The following KRTAP29-1 variants were observed in gnomAD, a reference collection of about 807,000 sequenced individuals.
KRTAP29-1 encodes the protein keratin-associated protein 29-1.
For missense variants in KRTAP29-1, 419 were observed against 412.1 expected (o/e 1.02, Z -0.14); for synonymous variants, 142 against 153.6 (o/e 0.92, Z 0.56).
At position 41,302,068 on chromosome 17, in the gene KRTAP29-1, G is replaced by T. The variant is rs551480187; in HGVS notation, c.784C>A (p.Gln262Lys). The T allele has an allele frequency of 6.4e-7, 1 of 1,550,646 alleles. No homozygotes were observed. Among genetic ancestry groups the T allele is most frequent in the South Asian group, 1.2e-5 (1 of 84,064 alleles). The change falls in exon 1 of 1, where the codon CAG (glutamine) becomes AAG (lysine). Residue 262 changes from glutamine (Q) to lysine (K), a missense_variant. Gln to Lys is a moderately conservative substitution (Grantham distance 53, BLOSUM62 1). Transcript: ENST00000391353. ...QLVPSTCFIY[Q>K]PVANCQAPCS... ...GGGGCCTGGCAGTTAGCCACTGGCT[G>T]GTAGATGAAGCATGTGGAAGGAACC... is the stretch of plus-strand genomic sequence containing the variant.
Position 41,302,305 on chromosome 17 carries a change from G to A in KRTAP29-1, c.547C>T (p.Pro183Ser). ...CATGAACTTCCTTGGCACCAAGTTG[G>A]TTGGCATGGACTAGCTGTACAGATG... is the stretch of plus-strand genomic sequence containing the variant. ...PTICTASPCQ[P>S]TWCQGSSCQP... Residue 183 changes from proline to serine, a missense_variant, in exon 1 of 1, where the codon CCA becomes TCA. Transcript: ENST00000391353. The A allele has an allele frequency of 3.9e-6, 6 of 1,550,540 alleles. No individual in the cohort carries two copies. The highest frequency in any genetic ancestry group is 5.2e-6 in the Non-Finnish European group (6 of 1,146,974).
Position 41,302,052 on chromosome 17 carries a change from C to T in KRTAP29-1, c.800G>A (p.Cys267Tyr). 1 of 1,550,536 alleles carries T rather than the reference C, an allele frequency of 6.4e-7. No homozygotes were observed. Among genetic ancestry groups the T allele is most frequent in the Non-Finnish European group, 8.7e-7 (1 of 1,146,990 alleles). ...TCFIYQPVAN[C>Y]QAPCSTKNCC... The stretch of plus-strand genomic sequence containing the variant: ...GTTCTTTGTGGAACAAGGGGCCTGG[C>T]AGTTAGCCACTGGCTGGTAGATGAA... Residue 267 changes from cysteine (C) to tyrosine (Y), a missense_variant, in exon 1 of 1, where the codon TGC becomes TAC. By Grantham distance (194) the Cys-to-Tyr change is radical. Coordinates refer to ENST00000391353, the MANE Select transcript of KRTAP29-1 (RefSeq NM_001257309.1).
chr17:41,302,655 G>A lies in KRTAP29-1; in HGVS notation c.197C>T (p.Ser66Leu), dbSNP rs867980478. The change falls in exon 1 of 1, where the codon TCG becomes TTG. Residue 66 changes from serine (S) to leucine (L), a missense_variant. By Grantham distance (145) the Ser-to-Leu change is moderately radical. Coordinates refer to ENST00000391353, the MANE Select transcript of KRTAP29-1 (RefSeq NM_001257309.1). ...IGAPSGCDPA[S>L]CQPTRLPATS... ...TGCTGGAAGGCGGGTAGGTTGACACGAAGCAGGATCACAGCCACTTGGGGC... is the reference window on the plus strand; with the variant it reads ...TGCTGGAAGGCGGGTAGGTTGACACAAAGCAGGATCACAGCCACTTGGGGC... 9.0e-6 allele frequency: 14 copies of A among 1,550,638 alleles called. No individual in the cohort carries two copies. The highest frequency in any genetic ancestry group is 2.4e-5 in the East Asian group (1 of 40,920).
At position 41,302,770 on chromosome 17, in the gene KRTAP29-1, A is replaced by G. The variant is rs569068474; in HGVS notation, c.82T>C (p.Phe28Leu). Residue 28 changes from phenylalanine to leucine, a missense_variant, in exon 1 of 1, where the codon TTT (phenylalanine) becomes CTT (leucine). By Grantham distance (22) the Phe-to-Leu change is conservative. Coordinates refer to ENST00000391353, the MANE Select transcript of KRTAP29-1 (RefSeq NM_001257309.1). ...TITTYPVKGG[F>L]RHALCLPSSC... Reference sequence around the variant, plus strand: ...CTAGGCAAACAGAGAGCATGTCGAAATCCACCTTTAACTGGGTATGTGGTG... The same window carrying G: ...CTAGGCAAACAGAGAGCATGTCGAAGTCCACCTTTAACTGGGTATGTGGTG... 1.7e-4 allele frequency: 258 copies of G among 1,550,772 alleles called. 3 individuals are homozygous for G. The South Asian group carries it at 2.5e-3, about 15-fold the overall frequency.
chr17:41,301,887 C>T lies in KRTAP29-1; in HGVS notation c.965G>A (p.Cys322Tyr). Residue 322 changes from cysteine to tyrosine, a missense_variant, in exon 1 of 1, where the codon TGC becomes TAC. Coordinates refer to ENST00000391353, the MANE Select transcript of KRTAP29-1 (RefSeq NM_001257309.1). ...LGTSPSSGSN[C>Y]LPTSCQPSCE... Reference sequence around the variant, plus strand: ...GCTGGGTTGGCATGAAGTCGGCAAGCAATTGGAGCCACTACTGGGTGATGT... The same window carrying T: ...GCTGGGTTGGCATGAAGTCGGCAAGTAATTGGAGCCACTACTGGGTGATGT... The T allele has an allele frequency of 6.4e-7, 1 of 1,550,514 alleles. No homozygotes were observed. The highest frequency in any genetic ancestry group is 8.7e-7 in the Non-Finnish European group (1 of 1,146,990).
At position 41,302,683 on chromosome 17, in the gene KRTAP29-1, C is replaced by G. The variant is rs1289918566; in HGVS notation, c.169G>C (p.Gly57Arg). The change falls in exon 1 of 1, where the codon GGT becomes CGT. Residue 57 changes from glycine to arginine, a missense_variant. Physicochemically the swap from Gly to Arg is moderately radical, Grantham distance 125. Transcript: ENST00000391353. ...TCQESCQPSIGAPSGCDPASC... is the reference protein window; with the variant it reads ...TCQESCQPSIRAPSGCDPASC... ...GCAGGATCACAGCCACTTGGGGCAC[C>G]AATGGATGGCTGACAGCTTTCTTGG... is the stretch of plus-strand genomic sequence containing the variant. 2 of 1,550,510 alleles carry G rather than the reference C, an allele frequency of 1.3e-6. No individual in the cohort carries two copies. Among genetic ancestry groups the G allele is most frequent in the Non-Finnish European group, 1.7e-6 (2 of 1,147,010 alleles).
Position 41,302,291 on chromosome 17 carries a change from T to G in KRTAP29-1, c.561A>C (p.Gln187His). 2 of 1,550,576 alleles carry G rather than the reference T, an allele frequency of 1.3e-6. No homozygotes were observed. The highest frequency in any genetic ancestry group is 1.7e-6 in the Non-Finnish European group (2 of 1,146,982). ...TASPCQPTWCQGSSCQPVSGE... is the reference protein window; with the variant it reads ...TASPCQPTWCHGSSCQPVSGE... ...CACTGACGGGTTGACATGAACTTCC[T>G]TGGCACCAAGTTGGTTGGCATGGAC... The change falls in exon 1 of 1, where the codon CAA becomes CAC. Residue 187 changes from glutamine (Q) to histidine (H), a missense_variant. Coordinates refer to ENST00000391353, the MANE Select transcript of KRTAP29-1 (RefSeq NM_001257309.1).
rs1192924538 is a variant in KRTAP29-1, at chr17:41,302,719, G to T, written c.133C>A (p.Leu45Met). ...PSSCHSRMWQLVTCQESCQPS... is the reference protein window; with the variant it reads ...PSSCHSRMWQMVTCQESCQPS... ...TGACAGCTTTCTTGGCATGTGACCA[G>T]TTGCCACATTCTGCTGTGGCAGGAA... Residue 45 changes from leucine (L) to methionine (M), a missense_variant, in exon 1 of 1, where the codon CTG becomes ATG. Coordinates refer to ENST00000391353, the MANE Select transcript of KRTAP29-1 (RefSeq NM_001257309.1). 4 of 1,550,590 alleles carry T rather than the reference G, an allele frequency of 2.6e-6. No homozygotes were observed. The highest frequency in any genetic ancestry group is 3.5e-6 in the Non-Finnish European group (4 of 1,147,030).
Position 41,302,752 on chromosome 17 carries a change from A to G in KRTAP29-1, c.100T>C (p.Leu34=). The G allele has an allele frequency of 6.4e-7, 1 of 1,550,702 alleles. No homozygotes were observed. Among genetic ancestry groups the G allele is most frequent in the Non-Finnish European group, 8.7e-7 (1 of 1,147,026 alleles). ...ATTCTGCTGTGGCAGGAACTAGGCA[A>G]ACAGAGAGCATGTCGAAATCCACCT... ...VKGGFRHALC[L]PSSCHSRMWQ... is the part of the protein sequence containing the mutation. Residue 34 remains leucine, a synonymous_variant, in exon 1 of 1, where the codon TTG becomes CTG. Transcript: ENST00000391353.
At position 41,302,827 on chromosome 17, in the gene KRTAP29-1, T is replaced by C. The variant is rs557856070; in HGVS notation, c.25A>G (p.Asn9Asp). 1.0e-4 allele frequency: 158 copies of C among 1,549,092 alleles called. No individual in the cohort carries two copies. The highest frequency in any genetic ancestry group is 1.3e-4 in the Non-Finnish European group (145 of 1,145,774). ...GGCACAGCTGGAATGGCTGTGGTGT[T>C]TCCAGGACAACAGCCGTCTGCCATG... is the stretch of plus-strand genomic sequence containing the variant. MADGCCPG[N>D]TTAIPAVPTI... is the part of the protein sequence containing the mutation. The change falls in exon 1 of 1, where the codon AAC becomes GAC. Residue 9 changes from asparagine to aspartate, a missense_variant. Asn to Asp is a conservative substitution (Grantham distance 23, BLOSUM62 1). Coordinates refer to ENST00000391353, the MANE Select transcript of KRTAP29-1 (RefSeq NM_001257309.1).
chr17:41,301,846 A>AGAAGCTGGACTC lies in KRTAP29-1; in HGVS notation c.994_1005dup (p.Glu332_Phe335dup). The AGAAGCTGGACTC allele has an allele frequency of 6.4e-7, 1 of 1,550,502 alleles. No homozygotes were observed. The highest frequency in any genetic ancestry group is 8.7e-7 in the Non-Finnish European group (1 of 1,146,888). On this transcript the variant is annotated inframe_insertion, in exon 1 of 1. Coordinates refer to ENST00000391353, the MANE Select transcript of KRTAP29-1 (RefSeq NM_001257309.1). ...CTCCATTAACAAAGTGTTGCCTTGC[A>AGAAGCTGGACTC]GAAGCTGGACTCACAGCTGGGTTGG...
In KRTAP29-1 at chr17:41,302,599, T is replaced by C; in HGVS notation, c.253A>G (p.Met85Val). 1.9e-6 allele frequency: 3 copies of C among 1,550,556 alleles called. No homozygotes were observed. Among genetic ancestry groups the C allele is most frequent in the Admixed American group, 2.0e-5 (1 of 50,994 alleles). Residue 85 changes from methionine (M) to valine (V), a missense_variant, in exon 1 of 1, where the codon ATG becomes GTG. Physicochemically the swap from Met to Val is conservative, Grantham distance 21. Coordinates refer to ENST00000391353, the MANE Select transcript of KRTAP29-1 (RefSeq NM_001257309.1). Reference protein sequence around the residue: ...TSCVGFVCQPMCSHAACYQSG... With the variant: ...TSCVGFVCQPVCSHAACYQSG... ...TGATAGCAGGCTGCGTGGGAGCACA[T>C]AGGTTGGCAAACAAAACCCACACAA... is the stretch of plus-strand genomic sequence containing the variant.
At position 41,302,628 on chromosome 17, in the gene KRTAP29-1, G is replaced by A. The variant is rs372411577; in HGVS notation, c.224C>T (p.Thr75Met). 38 of 1,550,492 alleles carry A rather than the reference G, an allele frequency of 2.5e-5. No homozygotes were observed. The highest frequency in any genetic ancestry group is 2.8e-5 in the Non-Finnish European group (32 of 1,147,008). The change falls in exon 1 of 1, where the codon ACG (threonine) becomes ATG (methionine). Residue 75 changes from threonine (T) to methionine (M), a missense_variant. Coordinates refer to ENST00000391353, the MANE Select transcript of KRTAP29-1 (RefSeq NM_001257309.1). ...ASCQPTRLPA[T>M]SCVGFVCQPM... ...TTGGCAAACAAAACCCACACAAGACGTTGCTGGAAGGCGGGTAGGTTGACA... is the reference window on the plus strand; with the variant it reads ...TTGGCAAACAAAACCCACACAAGACATTGCTGGAAGGCGGGTAGGTTGACA...
rs539562194 is a variant in KRTAP29-1 at position 41,302,272 on chromosome 17, C to A, written c.580G>T (p.Val194Phe). Residue 194 changes from valine to phenylalanine, a missense_variant, in exon 1 of 1, where the codon GTC becomes TTC. Coordinates refer to ENST00000391353, the MANE Select transcript of KRTAP29-1 (RefSeq NM_001257309.1). ...TTACAGGGCTGGCCTTCACCACTGACGGGTTGACATGAACTTCCTTGGCAC... is the reference window on the plus strand; with the variant it reads ...TTACAGGGCTGGCCTTCACCACTGAAGGGTTGACATGAACTTCCTTGGCAC... ...TWCQGSSCQP[V>F]SGEGQPCKST... 4 of 1,550,370 alleles carry A rather than the reference C, an allele frequency of 2.6e-6. No homozygotes were observed. The highest frequency in any genetic ancestry group is 2.4e-5 in the East Asian group (1 of 40,912).
chr17:41,302,013 G>A lies in KRTAP29-1; in HGVS notation c.839C>T (p.Ala280Val), dbSNP rs911490503. ...GCCAGAAATCACAGTGTCACAAGAA[G>A]CTGGTTTGCAACAGTTCTTTGTGGA... ...PCSTKNCCKP[A>V]SCDTVISGQP... Residue 280 changes from alanine (A) to valine (V), a missense_variant, in exon 1 of 1, where the codon GCT (alanine) becomes GTT (valine). Transcript: ENST00000391353. 4 of 1,550,496 alleles carry A rather than the reference G, an allele frequency of 2.6e-6. No homozygotes were observed. The African/African-American group carries it at 4.1e-5, about 16-fold the overall frequency.
rs768082420 is a variant in KRTAP29-1 at position 41,301,833 on chromosome 17, A to T, written c.1019T>A (p.Leu340His). The T allele has an allele frequency of 3.1e-5, 48 of 1,549,976 alleles. No homozygotes were observed. Among genetic ancestry groups the T allele is most frequent in the Non-Finnish European group, 3.2e-5 (37 of 1,146,536 alleles). ...SCESSFCKAT[L>H]C is the part of the protein sequence containing the mutation. ...GGTGTGAAGAGGGCTCCATTAACAA[A>T]GTGTTGCCTTGCAGAAGCTGGACTC... The change falls in exon 1 of 1, where the codon CTT becomes CAT. Residue 340 changes from leucine (L) to histidine (H), a missense_variant. Transcript: ENST00000391353.
In KRTAP29-1 at chr17:41,302,710, A is replaced by C; in HGVS notation, c.142T>G (p.Cys48Gly). 6.4e-7 allele frequency: 1 copy of C among 1,550,692 alleles called. No individual in the cohort carries two copies. Among genetic ancestry groups the C allele is most frequent in the Non-Finnish European group, 8.7e-7 (1 of 1,147,016 alleles). ...ATGGATGGCTGACAGCTTTCTTGGC[A>C]TGTGACCAGTTGCCACATTCTGCTG... ...CHSRMWQLVT[C>G]QESCQPSIGA... The change falls in exon 1 of 1, where the codon TGC becomes GGC. Residue 48 changes from cysteine (C) to glycine (G), a missense_variant. Physicochemically the swap from Cys to Gly is radical, Grantham distance 159. Transcript: ENST00000391353.
Position 41,302,360 on chromosome 17 carries a change from G to A in KRTAP29-1, c.492C>T (p.Thr164=). 1 of 1,550,498 alleles carries A rather than the reference G, an allele frequency of 6.4e-7. No homozygotes were observed. The highest frequency in any genetic ancestry group is 8.7e-7 in the Non-Finnish European group (1 of 1,146,976). The change falls in exon 1 of 1, where the codon ACC becomes ACT. Residue 164 remains threonine, a synonymous_variant. Coordinates refer to ENST00000391353, the MANE Select transcript of KRTAP29-1 (RefSeq NM_001257309.1). The part of the protein sequence containing the change: ...GSCQPSCSEV[T]SCPETSCLPT... ...GTAGGCAAGAAGTTTCCGGACAGGA[G>A]GTCACTTCAGAGCAGGATGGCTGGC... is the stretch of plus-strand genomic sequence containing the variant.
chr17:41,302,509 A>T lies in KRTAP29-1; in HGVS notation c.343T>A (p.Cys115Ser), dbSNP rs2016846459. 1 of 1,550,410 alleles carries T rather than the reference A, an allele frequency of 6.4e-7. No homozygotes were observed. Among genetic ancestry groups the T allele is most frequent in the African/African-American group, 1.4e-5 (1 of 73,056 alleles). ...GCATCGCAGCACTTTTCCTGACAAC[A>T]AGTAGATTCCGAGCAGGATGGCTGA... is the stretch of plus-strand genomic sequence containing the variant. ...SCQPSCSEST[C>S]CQEKCCDASP... is the part of the protein sequence containing the mutation. The change falls in exon 1 of 1, where the codon TGT becomes AGT. Residue 115 changes from cysteine to serine, a missense_variant. By Grantham distance (112) the Cys-to-Ser change is moderately radical (BLOSUM62 -1). Transcript: ENST00000391353.
Sources: allele counts gnomAD v4.1 joint callset, GRCh38; gene constraint gnomAD v4.1.1; transcripts MANE v1.5; gene names NCBI Gene and HGNC (gene_info 2026-07-23, HGNC 2026-07-21).